The following ACBD6 variants were observed in gnomAD, a reference collection of about 807,000 sequenced individuals.
ACBD6 encodes acyl-CoA binding domain containing 6.
ACBD6 carries 28 observed loss-of-function variants against 37.2 expected under a neutral mutation model. The ratio of observed to expected loss-of-function variants is 0.75; its 90% CI spans 0.56 to 1.03. The LOEUF (loss-of-function observed/expected upper bound fraction) is 1.03. Among genes scored for constraint, ACBD6 ranks in the 50% least tolerant of loss-of-function variants. ACBD6 has a pLI of 0.00. For missense variants in ACBD6, 340 were observed against 337.4 expected (o/e 1.01, Z -0.06); for synonymous variants, 113 against 126.8 (o/e 0.89, Z 0.73).
At chr1:180,355,389 A>G (rs547610536) in intron 6 of ACBD6, among the ~76,000 whole-genome samples, 1 of 152,258 alleles carries the variant, frequency 6.6e-6, no homozygotes, top group Admixed American at 6.5e-5. Context: ...CTTCTCTTTG[A>G]GTATGTTACC....
intron 6 of ACBD6, among the ~76,000 whole-genome samples, chr1:180,357,962 A>G (rs770867563): frequency 1.3e-5 from 2 of 152,230 alleles, no homozygotes; most frequent in Non-Finnish European, 2.9e-5. Flanking sequence ...TAAATTGGGC[A>G]TACAGAAATC....
At chr1:180,289,038 T>TAAAAAAAA (rs11353397) in intron 7 of ACBD6, among the ~76,000 whole-genome samples, 2 of 102,938 alleles carry the variant, frequency 1.9e-5, no homozygotes, top group Non-Finnish European at 2.1e-5. Flanking sequence ...CTACAGGAAC[T>TAAAAAAAA]AAAAAAAAAA....
chr1:180,448,762 G>A (rs1649578702), intron 3 of ACBD6, among the ~76,000 whole-genome samples: 1 of 152,114 alleles, frequency 6.6e-6, no homozygotes, highest in African/African-American at 2.4e-5. Context: ...GTACTCATAG[G>A]TACTCTACTG....
At chr1:180,447,984 G>T (rs1383517764) in intron 3 of ACBD6, among the ~76,000 whole-genome samples, 1 of 151,844 alleles carries the variant, frequency 6.6e-6, no homozygotes, top group Non-Finnish European at 1.5e-5. Context: ...AGTTACCCAC[G>T]GGTTTAGGGT....
intron 3 of ACBD6, among the ~76,000 whole-genome samples, chr1:180,453,799 T>C (rs1195458037): frequency 6.6e-6 from 1 of 152,050 alleles, no homozygotes; most frequent in African/African-American, 2.4e-5. Flanking sequence ...CATTCAAAAC[T>C]GCTACAAAGA....
chr1:180,463,838 C>T (rs569240331), intron 3 of ACBD6, among the ~76,000 whole-genome samples: 1 of 152,274 alleles, frequency 6.6e-6, no homozygotes, highest in South Asian at 2.1e-4. Flanking sequence ...TCCAGCAGCA[C>T]ATCAAAAAGC....
chr1:180,497,328 T>C (rs977699330), intron 1 of ACBD6, among the ~76,000 whole-genome samples: 12 of 152,078 alleles, frequency 7.9e-5, no homozygotes, highest in African/African-American at 2.9e-4. Context: ...ACTGGATGTG[T>C]GGAAAAGTGA....
chr1:180,413,901 A>T (rs1647968497), intron 4 of ACBD6, among the ~76,000 whole-genome samples: 1 of 152,196 alleles, frequency 6.6e-6, no homozygotes, highest in Non-Finnish European at 1.5e-5. Context: ...TCTTTCATGC[A>T]ACTTCACTTT....
intron 3 of ACBD6, chr1:180,435,845 A>C: frequency 8.3e-7 from 1 of 1,203,516 alleles, no homozygotes; most frequent in Non-Finnish European, 1.2e-6. Context: ...TCAGACCCTA[A>C]AACCAGGTAT....
At chr1:180,437,567 T>A (rs1231034592) in intron 3 of ACBD6, among the ~76,000 whole-genome samples, 7 of 152,036 alleles carry the variant, frequency 4.6e-5, no homozygotes, top group Admixed American at 2.0e-4. Context: ...AAGGAAGAGG[T>A]AAAGTTATCT....
At chr1:180,381,404 A>G (rs939613207) in intron 6 of ACBD6, among the ~76,000 whole-genome samples, 1 of 152,226 alleles carries the variant, frequency 6.6e-6, no homozygotes, top group African/African-American at 2.4e-5. Flanking sequence ...TCCAACAGCT[A>G]CAAAATACAC....
At chr1:180,273,115 T>A (rs1648791908) in intron 12 of ACBD6, 1 of 152,154 alleles carries the variant, frequency 6.6e-6, no homozygotes, top group South Asian at 2.1e-4. Flanking sequence ...GGTGTTGAAG[T>A]CTAGTCTGGG....
chr1:180,270,683 A>G (rs1230924271), exon 14 of ACBD6: 2 of 153,808 alleles, frequency 1.3e-5, no homozygotes, highest in Non-Finnish European at 2.9e-5. Context: ...AGTAAAACTC[A>G]TTTTACATTT....
chr1:180,304,274 AG>A (rs1558241362), intron 7 of ACBD6, among the ~76,000 whole-genome samples: 1 of 150,630 alleles, frequency 6.6e-6, no homozygotes, highest in Non-Finnish European at 1.5e-5. Context: ...AGGCAGGAGA[AG>A]GAAATAAAGG....
intron 3 of ACBD6, among the ~76,000 whole-genome samples, chr1:180,479,077 G>C (rs1265857309): frequency 6.6e-6 from 1 of 152,196 alleles, no homozygotes; most frequent in East Asian, 1.9e-4. Flanking sequence ...AGGCTGCAAT[G>C]AGCTAGGATT....
Position 180,496,826 on chromosome 1 carries a change from G to A in ACBD6, c.223-1301C>T, listed in dbSNP as rs187251575. ...GGAGCCACATTTCTTGAACAATCAC[G>A]ATAGACCAAACACTTCACATATTTT... On this transcript the variant is annotated intron_variant, in intron 1 of 7. Coordinates refer to ENST00000367595, the MANE Select transcript of ACBD6 (RefSeq NM_032360.4). 1.9e-3 allele frequency among the ~76,000 whole-genome samples: 295 copies of A among 152,146 alleles called. 2 individuals carry two copies. Among genetic ancestry groups the A allele is most frequent in the African/African-American group, 6.9e-3 (286 of 41,506 alleles).
intron 3 of ACBD6, among the ~76,000 whole-genome samples, chr1:180,487,492 C>T (rs72716629): frequency 0.16 from 24,162 of 152,108 alleles, 1,964 homozygotes; most frequent in Middle Eastern, 0.22. Context: ...TATATGCTAC[C>T]TGCCCATTAG....
intron 4 of ACBD6, among the ~76,000 whole-genome samples, chr1:180,414,326 T>C (rs1482216626): frequency 6.6e-6 from 1 of 152,188 alleles, no homozygotes; most frequent in East Asian, 1.9e-4. Flanking sequence ...CATTTTGCGT[T>C]CCAAAAATCA....
At chr1:180,359,701 A>T (rs373041132) in intron 6 of ACBD6, among the ~76,000 whole-genome samples, 1 of 27,164 alleles carries the variant, frequency 3.7e-5, no homozygotes, top group Admixed American at 3.7e-4. Context: ...GTGGGGTCCT[A>T]AGCCTCTTTT....
Sources: allele counts gnomAD v4.1 joint callset (sites outside exome capture counted in the v4.1 genomes callset), GRCh38; gene constraint gnomAD v4.1.1; transcripts MANE v1.5; gene names NCBI Gene and HGNC (gene_info 2026-07-23, HGNC 2026-07-21).